ASTL: variants seen among roughly 807,000 people sequenced by gnomAD.
ASTL encodes the protein astacin like metalloendopeptidase.
ASTL carries 27 observed loss-of-function variants against 36.7 expected under a neutral mutation model. The ratio of observed to expected loss-of-function variants is 0.73; its 90% confidence interval spans 0.54 to 1.01. ASTL has a LOEUF of 1.01. Among genes scored for constraint, ASTL ranks in the 50% least tolerant of loss-of-function variants. The pLI is 0.00. For synonymous variants in ASTL, 222 were observed against 228.1 expected, an observed-to-expected ratio of 0.97 and a Z score of 0.24; for missense variants, 524 against 572.8, an observed-to-expected ratio of 0.91 and a Z score of 0.87.
intron 8 of ASTL, among the ~76,000 whole-genome samples, chr2:96,128,566 C>A (rs1682108081): frequency 6.6e-6 from 1 of 152,168 alleles, no homozygotes; most frequent in Non-Finnish European, 1.5e-5. Flanking sequence ...CCATCAATGG[C>A]CCTTCATCAA....
chr2:96,133,241 G>A (rs1336764127), intron 5 of ASTL, among the ~76,000 whole-genome samples, 184 bp downstream of exon 5: 3 of 152,156 alleles, frequency 2.0e-5, no homozygotes, highest in Non-Finnish European at 4.4e-5. Context: ...GTCTAGCACC[G>A]TTCCCATCCC....
intron 2 of ASTL, among the ~76,000 whole-genome samples, chr2:96,136,276 T>C (rs962348188): frequency 5.3e-5 from 8 of 152,268 alleles, no homozygotes; most frequent in African/African-American, 1.9e-4. Flanking sequence ...GAAGTCACAG[T>C]AGGCCACCTT....
Position 96,137,877 on chromosome 2 carries a change from G to C in ASTL, c.56-177C>G, listed in dbSNP as rs1682337607. ...GCCTCCCTGCTCAACCCCAACTGGT[G>C]CCAAGGTCTAGATGACCTCAGGGAA... is the stretch of plus-strand genomic sequence containing the variant. On this transcript the variant is annotated intron_variant, in intron 1 of 8. Coordinates refer to ENST00000342380, the MANE Select transcript of ASTL (RefSeq NM_001002036.4). 17 of 618,784 alleles carry C rather than the reference G, an allele frequency of 2.7e-5. 1 individual carries two copies. In the South Asian group the frequency reaches 2.8e-4, roughly 10 times the overall value. 38.3% of individuals were successfully genotyped at this position (618,784 alleles called of 1,614,324 possible). A position where few individuals can be genotyped will look rare whatever the true frequency, so the allele number is the denominator to read the frequency against.
chr2:96,133,561 C>T lies in ASTL; in HGVS notation c.338-19G>A. ...GGCTCATCTGGAAGACACCACCTGG[C>T]TGAGCCCCCAGAGCCCTGGTGGTCT... On this transcript the variant is annotated intron_variant, in intron 4 of 8. Transcript: ENST00000342380. 1 of 1,580,548 alleles carries T rather than the reference C, an allele frequency of 6.3e-7. No individual in the cohort carries two copies. The highest frequency in any genetic ancestry group is 1.7e-5 in the Admixed American group (1 of 59,974).
intron 3 of ASTL, among the ~76,000 whole-genome samples, chr2:96,134,957 A>G (rs1682265276): frequency 6.6e-6 from 1 of 152,060 alleles, no homozygotes; most frequent in Non-Finnish European, 1.5e-5. Flanking sequence ...TTGTTCCACC[A>G]TCCCTAGGTC....
upstream of ASTL, chr2:96,138,509 G>T: frequency 6.2e-6 from 8 of 1,299,626 alleles, no homozygotes; most frequent in Non-Finnish European, 8.8e-6. Flanking sequence ...TTGCAGAACC[G>T]GCACCACCAC....
Position 96,133,410 on chromosome 2 carries a change from G to A in ASTL, c.455+15C>T. The A allele has an allele frequency of 6.6e-7, 1 of 1,522,368 alleles. No individual in the cohort carries two copies. The allele number at this position is 1,522,368 out of a possible 1,614,324, so 94.3% of individuals were successfully genotyped here. On this transcript the variant is annotated intron_variant, in intron 5 of 8. Coordinates refer to ENST00000342380, the MANE Select transcript of ASTL (RefSeq NM_001002036.4). ...AGAAGCGAGCTGAGATACGCATCCT[G>A]GCCCCGGCACTTACCCATACATGGG...
chr2:96,126,668 C>T (rs181952328), intron 8 of ASTL, among the ~76,000 whole-genome samples: 626 of 152,158 alleles, frequency 4.1e-3, no homozygotes, highest in Non-Finnish European at 7.7e-3. Context: ...CCAGCCTGAC[C>T]AACATGGTGA....
intron 8 of ASTL, among the ~76,000 whole-genome samples, chr2:96,127,841 G>T (rs894988661): frequency 1.1e-4 from 17 of 152,130 alleles, no homozygotes; most frequent in Admixed American, 3.3e-4. Flanking sequence ...CTCCCAAAGT[G>T]CTGTGATTAC....
chr2:96,131,409 G>A (rs72935900), intron 6 of ASTL, among the ~76,000 whole-genome samples: 9,456 of 152,114 alleles, frequency 0.062, 807 homozygotes, highest in African/African-American at 0.19. Context: ...TTTATATCAT[G>A]ATCAGAATGT....
intron 5 of ASTL, 39 bp downstream of exon 5, chr2:96,133,386 G>T: frequency 7.4e-7 from 1 of 1,343,156 alleles, no homozygotes; most frequent in South Asian, 1.2e-5. Context: ...GCTGAACGCA[G>T]AAGCGAGCTG....
In ASTL at chr2:96,123,302, G is replaced by T. The variant is rs1681994987; in HGVS notation, c.*548C>A. Among the ~76,000 whole-genome samples, 1 of 152,236 alleles carries T rather than the reference G, an allele frequency of 6.6e-6. No individual in the cohort carries two copies. The highest frequency in any genetic ancestry group is 2.4e-5 in the African/African-American group (1 of 41,464). ...ACTTGACCTACCACCTTCCTGCTCT[G>T]CAGGGGAGTAAGTTGGGCTCTCAAA... On this transcript the variant is annotated 3_prime_UTR_variant, in exon 9 of 9. Transcript: ENST00000342380.
upstream of ASTL, chr2:96,138,554 T>G (rs1682355658): frequency 1.2e-6 from 1 of 849,806 alleles, no homozygotes; most frequent in African/African-American, 1.7e-5. Context: ...ACCTCCCACC[T>G]TGCTCCCCTC....
chr2:96,138,255 A>G (rs1682346333), intron 1 of ASTL, 127 bp downstream of exon 1: 1 of 889,044 alleles, frequency 1.1e-6, no homozygotes, highest in Non-Finnish European at 1.8e-6. Context: ...ATAACCCTGG[A>G]GAGCTCTGTG....
Position 96,137,684 on chromosome 2 carries a change from C to T in ASTL, c.72G>A (p.Ala24=), listed in dbSNP as rs377208655. 43 of 1,612,842 alleles carry T rather than the reference C, an allele frequency of 2.7e-5. No homozygotes were observed. Among genetic ancestry groups the T allele is most frequent in the Admixed American group, 1.5e-4 (9 of 59,978 alleles). The change falls in exon 2 of 9, where the codon GCG becomes GCA. Residue 24 remains alanine (A), a synonymous_variant. Transcript: ENST00000342380. The part of the protein sequence containing the change: ...LLSLPGVILG[A]PLASSCAGAC... Reference sequence around the variant, plus strand: ...CTCCTGCGCAGCTGGAGGCCAGGGGCGCTCCTAGGATCACACCTGGTCCAG... The same window carrying T: ...CTCCTGCGCAGCTGGAGGCCAGGGGTGCTCCTAGGATCACACCTGGTCCAG...
chr2:96,123,345 G>T lies in ASTL; in HGVS notation c.*505C>A, dbSNP rs955237361. 6.6e-6 allele frequency among the ~76,000 whole-genome samples: 1 copy of T among 152,232 alleles called. No individual in the cohort carries two copies. The highest frequency in any genetic ancestry group is 2.1e-4 in the South Asian group (1 of 4,836). ...CTCTCAAAGCCTCCTGGAGAGAAGG[G>T]CTGGAGGCTACACTGCTGTAGAACA... On this transcript the variant is annotated 3_prime_UTR_variant, in exon 9 of 9. Transcript: ENST00000342380.
intron 3 of ASTL, 106 bp downstream of exon 3, chr2:96,135,245 G>A (rs1682269484): frequency 1.2e-6 from 1 of 848,224 alleles, no homozygotes; most frequent in Non-Finnish European, 1.9e-6. Flanking sequence ...ACCAAGCTAT[G>A]TATGTCCCTC....
At chr2:96,127,103 A>T (rs1005248534) in intron 8 of ASTL, among the ~76,000 whole-genome samples, 6 of 152,374 alleles carry the variant, frequency 3.9e-5, no homozygotes, top group Admixed American at 2.0e-4. Flanking sequence ...TACAACATGG[A>T]TGAACCTTGA....
intron 1 of ASTL, 44 bp from the exon 2 acceptor site, chr2:96,137,744 C>T (rs1368385824): frequency 2.5e-6 from 4 of 1,584,440 alleles, no homozygotes; most frequent in Admixed American, 3.4e-5. Context: ...CTGGAGCACC[C>T]ACCGGTGAGA....
Sources: allele counts gnomAD v4.1 joint callset (sites outside exome capture counted in the v4.1 genomes callset), GRCh38; gene constraint gnomAD v4.1.1; transcripts MANE v1.5; gene names NCBI Gene and HGNC (gene_info 2026-07-23, HGNC 2026-07-21).